RALGAPA1: variants seen among roughly 807,000 people sequenced by gnomAD.
RALGAPA1 encodes the protein ral GTPase-activating protein subunit alpha-1.
RALGAPA1 carries 52 observed loss-of-function variants against 269.6 expected under a neutral mutation model. The observed-to-expected ratio is 0.19, with a 90% confidence interval of 0.15 to 0.24. The LOEUF is 0.24. Among genes scored for constraint, RALGAPA1 ranks in the 10% least tolerant of loss-of-function variants. The pLI is 1.00. For missense variants in RALGAPA1, 1,917 were observed against 3,013.9 expected (o/e 0.64, Z 8.52); for synonymous variants, 817 against 1,008.3 (o/e 0.81, Z 3.60).
chr14:35,592,360 G>T (rs763875432), intron 37 of RALGAPA1, among the ~76,000 whole-genome samples: 9 of 152,142 alleles, frequency 5.9e-5, no homozygotes, highest in East Asian at 1.9e-4. Context: ...AGAGATTGAA[G>T]AATTAATTAG....
intron 13 of RALGAPA1, 36 bp from the exon 14 acceptor site, chr14:35,725,189 G>A: frequency 1.4e-6 from 2 of 1,464,536 alleles, no homozygotes; most frequent in Non-Finnish European, 1.8e-6. Context: ...TTTCCTTCTT[G>A]CATATGTTTG....
intron 41 of RALGAPA1, among the ~76,000 whole-genome samples, chr14:35,543,704 G>A (rs373975540): frequency 2.0e-5 from 3 of 152,128 alleles, no homozygotes; most frequent in East Asian, 1.9e-4. Context: ...GTGCAGTGGC[G>A]CGATTTCAGC....
rs115699648 is a variant in RALGAPA1, at chr14:35,594,742, G to A, written c.7209+892C>T. Among the ~76,000 whole-genome samples the A allele has an allele frequency of 5.3e-3, 807 of 151,376 alleles. 7 individuals are homozygous for A. Among genetic ancestry groups the A allele is most frequent in the African/African-American group, 0.018 (760 of 41,288 alleles). On this transcript the variant is annotated intron_variant, in intron 37 of 41. Transcript: ENST00000680220. ...TTATGAAAAAAAAAAAAAAAGTACGGAGGTTCTTAAAGAAATTAAACATAG... is the reference window on the plus strand; with the variant it reads ...TTATGAAAAAAAAAAAAAAAGTACGAAGGTTCTTAAAGAAATTAAACATAG...
At chr14:35,776,062 A>G (rs2075000319) in intron 1 of RALGAPA1, among the ~76,000 whole-genome samples, 2 of 152,222 alleles carry the variant, frequency 1.3e-5, no homozygotes, top group South Asian at 4.1e-4. Context: ...CTTCTCCCCA[A>G]GACAGTTGAA....
At chr14:35,692,464 T>G (rs2066560184) in intron 17 of RALGAPA1, among the ~76,000 whole-genome samples, 1 of 151,550 alleles carries the variant, frequency 6.6e-6, no homozygotes, top group Admixed American at 6.6e-5. Context: ...CCTTGTATAT[T>G]AGAAAACGTA....
chr14:35,562,934 C>T (rs8011149), intron 39 of RALGAPA1, among the ~76,000 whole-genome samples: 51,403 of 145,536 alleles, frequency 0.35, 12,224 homozygotes, highest in African/African-American at 0.68. Context: ...GGCAGGAGAA[C>T]TGCTTGAACC....
chr14:35,761,123 G>T, intron 5 of RALGAPA1, 117 bp from the exon 6 acceptor site: 1 of 629,778 alleles, frequency 1.6e-6, no homozygotes, highest in Non-Finnish European at 2.6e-6. Context: ...AGGCAGGGTA[G>T]GGAAGGAAGG....
chr14:35,614,461 CA>C (rs1050743801), intron 35 of RALGAPA1, among the ~76,000 whole-genome samples: 4 of 152,000 alleles, frequency 2.6e-5, no homozygotes, highest in African/African-American at 9.7e-5. Flanking sequence ...AAAGCTGCCA[CA>C]AAAACCCACA....
chr14:35,556,825 G>C (rs1255906061), intron 39 of RALGAPA1, among the ~76,000 whole-genome samples: 1 of 152,104 alleles, frequency 6.6e-6, no homozygotes, highest in Non-Finnish European at 1.5e-5. Context: ...GGCAGTGTGA[G>C]GATAGCCCTA....
At chr14:35,722,420 T>C (rs1035470832) in intron 15 of RALGAPA1, among the ~76,000 whole-genome samples, 5 of 152,100 alleles carry the variant, frequency 3.3e-5, no homozygotes, top group Admixed American at 2.0e-4. Flanking sequence ...AAGACTAGCC[T>C]GGGCAACATG....
chr14:35,694,563 A>C (rs954604161), intron 17 of RALGAPA1, among the ~76,000 whole-genome samples: 1 of 152,072 alleles, frequency 6.6e-6, no homozygotes, highest in African/African-American at 2.4e-5. Context: ...ACTTAAAAGC[A>C]ACAAATCAAG....
intron 37 of RALGAPA1, among the ~76,000 whole-genome samples, chr14:35,581,680 T>C (rs1328593887): frequency 1.3e-5 from 2 of 152,140 alleles, no homozygotes; most frequent in Non-Finnish European, 1.5e-5. Flanking sequence ...CAACGAAATA[T>C]CATTTCACAC....
At chr14:35,680,421 G>A (rs1001640220) in intron 21 of RALGAPA1, among the ~76,000 whole-genome samples, 1 of 151,446 alleles carries the variant, frequency 6.6e-6, no homozygotes, top group Admixed American at 6.6e-5. Context: ...TGTTGGCCAG[G>A]CTGGTCTCGA....
At chr14:35,741,068 T>G (rs1227905555) in intron 11 of RALGAPA1, among the ~76,000 whole-genome samples, 1 of 152,206 alleles carries the variant, frequency 6.6e-6, no homozygotes, top group Non-Finnish European at 1.5e-5. Flanking sequence ...AGAACAAACC[T>G]ACACAACATA....
At chr14:35,792,803 G>GAGAAAGAAAGAAAGAGAA (rs1567241241) in intron 1 of RALGAPA1, among the ~76,000 whole-genome samples, 1 of 108,982 alleles carries the variant, frequency 9.2e-6, no homozygotes, top group Non-Finnish European at 1.9e-5. Context: ...AAGAAAGAAA[G>GAGAAAGAAAGAAAGAGAA]AGAAAGAAAG....
At chr14:35,783,548 C>T (rs1227588719) in intron 1 of RALGAPA1, among the ~76,000 whole-genome samples, 1 of 151,800 alleles carries the variant, frequency 6.6e-6, no homozygotes, top group Non-Finnish European at 1.5e-5. Flanking sequence ...AATGCACAAG[C>T]AATAAAAGAA....
At chr14:35,678,366 T>C (rs368924002) in intron 21 of RALGAPA1, among the ~76,000 whole-genome samples, 6 of 152,298 alleles carry the variant, frequency 3.9e-5, no homozygotes, top group African/African-American at 1.4e-4. Flanking sequence ...AAACTAAGAA[T>C]ATCTACTCCC....
At chr14:35,632,539 C>T (rs1037500194) in intron 33 of RALGAPA1, among the ~76,000 whole-genome samples, 4 of 152,114 alleles carry the variant, frequency 2.6e-5, no homozygotes, top group African/African-American at 4.8e-5. Flanking sequence ...TTGGCAAATG[C>T]TTTAAATATT....
At chr14:35,772,107 G>C (rs2074676653) in intron 3 of RALGAPA1, among the ~76,000 whole-genome samples, 1 of 152,082 alleles carries the variant, frequency 6.6e-6, no homozygotes, top group Non-Finnish European at 1.5e-5. Flanking sequence ...CCTGGCTGGA[G>C]TGCAGTGGTG....
Sources: allele counts gnomAD v4.1 joint callset (sites outside exome capture counted in the v4.1 genomes callset), GRCh38; gene constraint gnomAD v4.1.1; transcripts MANE v1.5; gene names NCBI Gene and HGNC (gene_info 2026-07-23, HGNC 2026-07-21).